The following EPHA6 variants were observed in gnomAD, a reference collection of about 807,000 sequenced individuals.
EPHA6 encodes the protein EPH receptor A6.
A neutral mutation model predicts 112.0 loss-of-function variants in EPHA6; 50 were observed. That is an observed-to-expected ratio of 0.45 (90% CI 0.36 to 0.56). The LOEUF is 0.56. EPHA6 is among the 20% of genes least tolerant of loss of function. The pLI is 0.00. For synonymous variants in EPHA6, 529 were observed against 490.7 expected (o/e 1.08, Z -1.03); for missense variants, 1,280 against 1,417.4 (o/e 0.90, Z 1.56).
At chr3:97,187,480 G>T (rs2077171353) in intron 3 of EPHA6, among the ~76,000 whole-genome samples, 1 of 151,242 alleles carries the variant, frequency 6.6e-6, no homozygotes, top group Non-Finnish European at 1.5e-5. Flanking sequence ...TGAGGCAGGA[G>T]AATTGCTTGA....
chr3:97,128,716 A>C (rs1453985442), intron 3 of EPHA6, among the ~76,000 whole-genome samples: 1 of 151,788 alleles, frequency 6.6e-6, no homozygotes, highest in South Asian at 2.1e-4. Flanking sequence ...GGGTTTTGCT[A>C]TGTATGTTAG....
At chr3:96,893,258 A>G (rs2038079407) in intron 2 of EPHA6, among the ~76,000 whole-genome samples, 1 of 152,132 alleles carries the variant, frequency 6.6e-6, no homozygotes, top group East Asian at 1.9e-4. Context: ...TGGTTTATGT[A>G]TTTACTATAC....
intron 5 of EPHA6, among the ~76,000 whole-genome samples, chr3:97,265,783 T>C (rs2079659953): frequency 6.6e-6 from 1 of 152,226 alleles, no homozygotes; most frequent in South Asian, 2.1e-4. Flanking sequence ...CCACCACCGC[T>C]TGTGCCTTCC....
At chr3:97,471,123 C>T (rs544212522) in intron 7 of EPHA6, among the ~76,000 whole-genome samples, 25 of 151,792 alleles carry the variant, frequency 1.6e-4, no homozygotes, top group African/African-American at 5.5e-4. Context: ...ATCCATTTGG[C>T]AGGTAACTTC....
At chr3:97,432,836 G>A (rs2089598131) in intron 6 of EPHA6, among the ~76,000 whole-genome samples, 1 of 152,098 alleles carries the variant, frequency 6.6e-6, no homozygotes. Context: ...TCACTATCAC[G>A]AGAACAGCAT....
At chr3:97,258,320 T>C (rs913319168) in intron 5 of EPHA6, among the ~76,000 whole-genome samples, 2 of 151,920 alleles carry the variant, frequency 1.3e-5, no homozygotes, top group African/African-American at 4.8e-5. Flanking sequence ...GTATCTGTTA[T>C]ACTCACAGTG....
Position 97,588,586 on chromosome 3 carries a change from G to A in EPHA6, c.2387-4026G>A, listed in dbSNP as rs111347248. On this transcript the variant is annotated intron_variant, in intron 11 of 17. Coordinates refer to ENST00000389672, the MANE Select transcript of EPHA6 (RefSeq NM_001080448.3). The stretch of plus-strand genomic sequence containing the variant: ...GAGGAGTTTGTATATGTATGTGGGG[G>A]AATCTGCATTAGGAAATTTTATCAA... 4.9e-3 allele frequency among the ~76,000 whole-genome samples: 748 copies of A among 152,278 alleles called. 7 individuals are homozygous for A. Among genetic ancestry groups the A allele is most frequent in the African/African-American group, 0.017 (715 of 41,548 alleles).
intron 2 of EPHA6, among the ~76,000 whole-genome samples, chr3:96,983,006 A>G (rs190228961): frequency 6.4e-4 from 98 of 152,222 alleles, no homozygotes; most frequent in African/African-American, 2.3e-3. Flanking sequence ...GACTTTATCC[A>G]ATTTTCCAGT....
chr3:97,017,281 G>A (rs1016735819), intron 3 of EPHA6, among the ~76,000 whole-genome samples: 1 of 152,214 alleles, frequency 6.6e-6, no homozygotes, highest in Non-Finnish European at 1.5e-5. Flanking sequence ...CTCAGAGTGA[G>A]AATCTGTGTG....
chr3:96,941,614 C>T (rs1206688549), intron 2 of EPHA6, among the ~76,000 whole-genome samples: 3 of 151,930 alleles, frequency 2.0e-5, no homozygotes, highest in South Asian at 2.1e-4. Flanking sequence ...AGTCATTCTC[C>T]GTCCAGCTTT....
intron 6 of EPHA6, among the ~76,000 whole-genome samples, chr3:97,428,506 A>G (rs1160550036): frequency 6.6e-6 from 1 of 152,222 alleles, no homozygotes; most frequent in East Asian, 1.9e-4. Context: ...CTATAGTTAC[A>G]TGGTCAAATT....
chr3:96,860,053 CTT>C (rs2035922059), intron 1 of EPHA6, among the ~76,000 whole-genome samples: 1 of 152,078 alleles, frequency 6.6e-6, no homozygotes, highest in Non-Finnish European at 1.5e-5. Flanking sequence ...AACTTACAGA[CTT>C]TCTATATCCT....
At chr3:97,357,552 A>G (rs1026138133) in intron 5 of EPHA6, among the ~76,000 whole-genome samples, 3 of 152,146 alleles carry the variant, frequency 2.0e-5, no homozygotes, top group Non-Finnish European at 1.5e-5. Context: ...CAATCTTTTT[A>G]TTGGAGAATT....
At chr3:97,626,869 T>C (rs977096927) in intron 13 of EPHA6, among the ~76,000 whole-genome samples, 1 of 151,826 alleles carries the variant, frequency 6.6e-6, no homozygotes, top group Admixed American at 6.6e-5. Context: ...TAATACTAGG[T>C]TGATGTTTAA....
At chr3:97,188,457 C>G (rs1412001171) in intron 3 of EPHA6, among the ~76,000 whole-genome samples, 2 of 151,456 alleles carry the variant, frequency 1.3e-5, no homozygotes, top group African/African-American at 2.4e-5. Flanking sequence ...AAGAAAGAAA[C>G]AAATCAAACT....
chr3:97,606,652 A>G (rs1188385982), intron 12 of EPHA6, among the ~76,000 whole-genome samples: 1 of 151,338 alleles, frequency 6.6e-6, no homozygotes, highest in Non-Finnish European at 1.5e-5. Context: ...CCATAAGAAG[A>G]AAACAGTTCT....
chr3:97,354,565 G>A (rs1315103769), intron 5 of EPHA6, among the ~76,000 whole-genome samples: 3 of 151,832 alleles, frequency 2.0e-5, no homozygotes, highest in South Asian at 2.1e-4. Flanking sequence ...CACAGTCAGA[G>A]GATAAAAAAG....
intron 5 of EPHA6, among the ~76,000 whole-genome samples, chr3:97,366,888 A>T (rs1314737078): frequency 6.6e-6 from 1 of 152,180 alleles, no homozygotes; most frequent in African/African-American, 2.4e-5. Flanking sequence ...ATGAAATGAA[A>T]GTAAGAAGAG....
At chr3:96,873,976 G>A (rs984274605) in intron 2 of EPHA6, among the ~76,000 whole-genome samples, 5 of 152,026 alleles carry the variant, frequency 3.3e-5, no homozygotes, top group African/African-American at 1.2e-4. Context: ...GACCTGAGAA[G>A]AGTTTCAGAA....
Sources: allele counts gnomAD v4.1 joint callset (sites outside exome capture counted in the v4.1 genomes callset), GRCh38; gene constraint gnomAD v4.1.1; transcripts MANE v1.5; gene names NCBI Gene and HGNC (gene_info 2026-07-23, HGNC 2026-07-21).